Variants in SUPT3H observed in about 807,000 individuals in gnomAD.
SUPT3H encodes the protein SPT3 homolog, SAGA and STAGA complex component.
SUPT3H carries 44 observed loss-of-function variants against 44.3 expected under a neutral mutation model. The ratio of observed to expected loss-of-function variants is 0.99; its 90% CI spans 0.78 to 1.28. The LOEUF (loss-of-function observed/expected upper bound fraction) is 1.28. SUPT3H is among the 50% of genes most tolerant of loss of function. The pLI is 0.00. For synonymous variants in SUPT3H, 124 were observed against 125.6 expected, an observed-to-expected ratio of 0.99 and a Z score of 0.09; for missense variants, 380 against 387.1, an observed-to-expected ratio of 0.98 and a Z score of 0.15.
intron 2 of SUPT3H, among the ~76,000 whole-genome samples, chr6:45,357,881 G>T (rs1053556778): frequency 6.6e-6 from 1 of 151,992 alleles, no homozygotes; most frequent in Non-Finnish European, 1.5e-5. Context: ...GGATTTTTCA[G>T]AAAGACTAAG....
At chr6:44,932,862 T>G in intron 9 of SUPT3H, 99 bp from the exon 10 acceptor site, 1 of 690,584 alleles carries the variant, frequency 1.4e-6, no homozygotes, top group Non-Finnish European at 2.2e-6. Context: ...AGAGACCGGT[T>G]TTTCCCTTAG....
At chr6:45,367,259 A>T (rs1223079907) in intron 1 of SUPT3H, among the ~76,000 whole-genome samples, 1 of 152,164 alleles carries the variant, frequency 6.6e-6, no homozygotes. Flanking sequence ...GAGCACAAAA[A>T]GCGAAGGAAA....
intron 10 of SUPT3H, among the ~76,000 whole-genome samples, chr6:44,897,013 A>C (rs1764216755): frequency 6.6e-6 from 1 of 152,222 alleles, no homozygotes; most frequent in Non-Finnish European, 1.5e-5. Flanking sequence ...AAATCCTGTT[A>C]GTTTTAAAAT....
intron 2 of SUPT3H, among the ~76,000 whole-genome samples, chr6:45,259,919 A>G (rs1225848691): frequency 6.6e-6 from 1 of 152,208 alleles, no homozygotes; most frequent in Non-Finnish European, 1.5e-5. Context: ...ATAAATTATC[A>G]TTAGATAGTT....
intron 9 of SUPT3H, among the ~76,000 whole-genome samples, chr6:44,941,780 C>A (rs62436393): frequency 1.2e-4 from 18 of 151,994 alleles, no homozygotes; most frequent in African/African-American, 4.3e-4. Flanking sequence ...TTGTAATACA[C>A]GTAGTGAGTG....
chr6:44,978,933 TATGTCCTTGC>T (rs1346568908), intron 6 of SUPT3H, among the ~76,000 whole-genome samples: 1 of 152,116 alleles, frequency 6.6e-6, no homozygotes, highest in African/African-American at 2.4e-5. Flanking sequence ...ACAATGAAAA[TATGTCCTTGC>T]CAAAATAATA....
intron 2 of SUPT3H, among the ~76,000 whole-genome samples, chr6:45,195,695 C>T (rs1360447526): frequency 1.3e-5 from 2 of 152,032 alleles, no homozygotes; most frequent in Non-Finnish European, 2.9e-5. Context: ...TGAAGAATTG[C>T]TATCTAGATT....
At chr6:45,295,925 T>C (rs1781113206) in intron 2 of SUPT3H, among the ~76,000 whole-genome samples, 1 of 152,048 alleles carries the variant, frequency 6.6e-6, no homozygotes, top group Admixed American at 6.6e-5. Flanking sequence ...ACGGAGATTC[T>C]TTAAAGAACT....
At chr6:44,880,725 A>C (rs1778085372) in intron 10 of SUPT3H, among the ~76,000 whole-genome samples, 1 of 152,214 alleles carries the variant, frequency 6.6e-6, no homozygotes, top group Non-Finnish European at 1.5e-5. Flanking sequence ...CTAACAGCAG[A>C]TCTCTCTGCA....
intron 3 of SUPT3H, among the ~76,000 whole-genome samples, chr6:45,075,401 T>A (rs941625367): frequency 1.3e-5 from 2 of 152,108 alleles, no homozygotes; most frequent in African/African-American, 4.8e-5. Flanking sequence ...TGAGCAATAC[T>A]TAGGTTTCTC....
intron 2 of SUPT3H, among the ~76,000 whole-genome samples, chr6:45,348,512 C>CAAAAAA (rs754208599): frequency 2.2e-4 from 24 of 110,366 alleles, no homozygotes; most frequent in African/African-American, 7.7e-4. Flanking sequence ...ACTAAAAATA[C>CAAAAAA]AAAAAAAAAA....
intron 10 of SUPT3H, among the ~76,000 whole-genome samples, chr6:44,877,733 T>C (rs1297390776): frequency 6.6e-6 from 1 of 152,102 alleles, no homozygotes; most frequent in Non-Finnish European, 1.5e-5. Context: ...TCAAACATTA[T>C]GTTCAATTTT....
intron 9 of SUPT3H, among the ~76,000 whole-genome samples, chr6:44,943,864 T>C (rs1772857340): frequency 6.6e-6 from 1 of 151,998 alleles, no homozygotes; most frequent in Non-Finnish European, 1.5e-5. Context: ...ACTAGCTAAC[T>C]TGCACTACAA....
At chr6:44,943,428 T>C (rs1408163842) in intron 9 of SUPT3H, among the ~76,000 whole-genome samples, 1 of 151,858 alleles carries the variant, frequency 6.6e-6, no homozygotes, top group Non-Finnish European at 1.5e-5. Context: ...GTTTCAGAAG[T>C]GAAGGAGAGG....
At chr6:45,328,243 A>G in intron 2 of SUPT3H, 1 of 1,312,482 alleles carries the variant, frequency 7.6e-7, no homozygotes, top group Non-Finnish European at 1.0e-6. Flanking sequence ...GAGGTCACAA[A>G]CCACATGATT....
chr6:44,899,763 A>G (rs1764676155), intron 10 of SUPT3H, among the ~76,000 whole-genome samples: 2 of 152,326 alleles, frequency 1.3e-5, no homozygotes, highest in East Asian at 3.9e-4. Flanking sequence ...CAAAAGTTTA[A>G]ATGAGATGTT....
At chr6:45,158,296 A>T (rs67871732) in intron 2 of SUPT3H, among the ~76,000 whole-genome samples, 38,138 of 71,848 alleles carry the variant, frequency 0.53, 8,858 homozygotes, top group East Asian at 0.62. Context: ...ATATATATAT[A>T]TATTTTTTTT....
intron 3 of SUPT3H, among the ~76,000 whole-genome samples, chr6:45,063,360 A>G (rs973898145): frequency 6.6e-6 from 1 of 151,432 alleles, no homozygotes; most frequent in African/African-American, 2.5e-5. Flanking sequence ...AAAGATGGGG[A>G]AAAAACAGAA....
chr6:45,017,848 T>A (rs1362992803), intron 4 of SUPT3H, among the ~76,000 whole-genome samples: 1 of 142,754 alleles, frequency 7.0e-6, no homozygotes, highest in Non-Finnish European at 1.5e-5. Flanking sequence ...TGGTTCCATA[T>A]GAACTTTAAA....
Sources: gnomAD v4.1 joint callset for allele counts (sites outside exome capture counted in the v4.1 genomes callset) on GRCh38, gnomAD v4.1.1 for gene constraint, MANE v1.5 for transcripts, NCBI Gene and HGNC (gene_info 2026-07-23, HGNC 2026-07-21) for gene names.